The following LRP3 variants were observed in gnomAD, a reference collection of about 807,000 sequenced individuals.
LRP3 encodes the protein low-density lipoprotein receptor-related protein 3.
LRP3 carries 49 observed loss-of-function variants against 58.5 expected under a neutral mutation model. The observed-to-expected ratio is 0.84, with a 90% CI of 0.67 to 1.06. The LOEUF (loss-of-function observed/expected upper bound fraction) is 1.06, where lower values mean the gene tolerates loss of function less well. Among genes scored for constraint, LRP3 ranks in the 50% least tolerant of loss-of-function variants. The pLI, the probability that LRP3 is intolerant of heterozygous loss-of-function variation, is 0.00. For missense variants in LRP3, 1,019 were observed against 1,134.2 expected (o/e 0.90, Z 1.46); for synonymous variants, 485 against 492.2 (o/e 0.99, Z 0.20).
intron 1 of LRP3, among the ~76,000 whole-genome samples, chr19:33,195,472 C>G (rs1974276294): frequency 6.6e-6 from 1 of 152,200 alleles, no homozygotes; most frequent in African/African-American, 2.4e-5. Context: ...GTTTTTCTGT[C>G]CAGCTTTCCA....
At chr19:33,206,495 T>C in intron 5 of LRP3, 106 bp from the exon 6 acceptor site, 1 of 1,592,066 alleles carries the variant, frequency 6.3e-7, no homozygotes, top group South Asian at 1.1e-5. Flanking sequence ...CTGGGGTCCC[T>C]ATATCTTGGG....
Position 33,206,300 on chromosome 19 carries a change from G to A in LRP3, c.1530G>A (p.Leu510=). The A allele has an allele frequency of 1.3e-6, 2 of 1,598,494 alleles. No homozygotes were observed. The highest frequency in any genetic ancestry group is 2.7e-5 in the African/African-American group (2 of 74,864). The change falls in exon 5 of 7, where the codon CTG becomes CTA. Residue 510 remains leucine (L), a synonymous_variant. Coordinates refer to ENST00000253193, the MANE Select transcript of LRP3 (RefSeq NM_002333.4). ...AALIGSLVCG[L]LLVIALGCAF... ...TCATTGGCAGCCTGGTGTGTGGCCT[G>A]CTGCTGGTCATCGCGCTGGGCTGCG... is the stretch of plus-strand genomic sequence containing the variant.
Position 33,205,783 on chromosome 19 carries a change from C to T in LRP3, c.1013C>T (p.Ala338Val). The change falls in exon 5 of 7, where the codon GCC becomes GTC. Residue 338 changes from alanine (A) to valine (V), a missense_variant. Ala to Val is a moderately conservative substitution (Grantham distance 64, BLOSUM62 0). Coordinates refer to ENST00000253193, the MANE Select transcript of LRP3 (RefSeq NM_002333.4). Reference sequence around the variant, plus strand: ...AACCACCGGCCCGTGAGCCTGGAGGCCGCCCAGGGCCGCCTCACTGTGGCC... The same window carrying T: ...AACCACCGGCCCGTGAGCCTGGAGGTCGCCCAGGGCCGCCTCACTGTGGCC... ...RSNHRPVSLE[A>V]AQGRLTVAYH... 6.3e-7 allele frequency: 1 copy of T among 1,583,784 alleles called. No individual in the cohort carries two copies.
At chr19:33,196,606 T>C in intron 1 of LRP3, 124 bp from the exon 2 acceptor site, 2 of 853,292 alleles carry the variant, frequency 2.3e-6, no homozygotes, top group South Asian at 2.8e-5. Flanking sequence ...CTCTGGGCCT[T>C]GCCCTGTAAG....
Position 33,206,281 on chromosome 19 carries a change from G to T in LRP3, c.1511G>T (p.Gly504Val). Reference protein sequence around the residue: ...PRKVITAALIGSLVCGLLLVI... With the variant: ...PRKVITAALIVSLVCGLLLVI... Reference sequence around the variant, plus strand: ...AAGGTCATCACGGCGGCGCTCATTGGCAGCCTGGTGTGTGGCCTGCTGCTG... The same window carrying T: ...AAGGTCATCACGGCGGCGCTCATTGTCAGCCTGGTGTGTGGCCTGCTGCTG... The change falls in exon 5 of 7, where the codon GGC becomes GTC. Residue 504 changes from glycine to valine, a missense_variant. Coordinates refer to ENST00000253193, the MANE Select transcript of LRP3 (RefSeq NM_002333.4). 6.3e-7 allele frequency: 1 copy of T among 1,598,046 alleles called. No homozygotes were observed.
Position 33,207,458 on chromosome 19 carries a change from T to G in LRP3, c.2196T>G (p.Thr732=), listed in dbSNP as rs765674222. Reference sequence around the variant, plus strand: ...AGGACCCGCACCCCCAGGTCTCCACTGCCAGCAGCACCCTGGGCCCCCACT... The same window carrying G: ...AGGACCCGCACCCCCAGGTCTCCACGGCCAGCAGCACCCTGGGCCCCCACT... ...SAQDPHPQVS[T]ASSTLGPHSP... is the part of the protein sequence containing the mutation. Residue 732 remains threonine, a synonymous_variant, in exon 7 of 7, where the codon ACT becomes ACG. Coordinates refer to ENST00000253193, the MANE Select transcript of LRP3 (RefSeq NM_002333.4). 6 of 1,599,422 alleles carry G rather than the reference T, an allele frequency of 3.8e-6. No homozygotes were observed. Among genetic ancestry groups the G allele is most frequent in the Non-Finnish European group, 5.1e-6 (6 of 1,176,890 alleles).
At position 33,206,868 on chromosome 19, in the gene LRP3, G is replaced by T. The variant is rs553796540; in HGVS notation, c.1726-120G>T. On this transcript the variant is annotated intron_variant, in intron 6 of 6. Coordinates refer to ENST00000253193, the MANE Select transcript of LRP3 (RefSeq NM_002333.4). ...TGAGGGCCCATGGCCAGGTGGGGGG[G>T]GTGGACAAGGTGGTCTCTCGGGTCT... The T allele has an allele frequency of 1.7e-5, 20 of 1,195,602 alleles. No individual in the cohort carries two copies. The East Asian group carries it at 3.7e-4, about 22-fold the overall frequency. 74.1% of individuals were successfully genotyped at this position (1,195,602 alleles called of 1,614,324 possible). A position where few individuals can be genotyped will look rare whatever the true frequency, so the allele number is the denominator to read the frequency against.
chr19:33,194,914 C>T, intron 1 of LRP3, 56 bp downstream of exon 1: 1 of 954,060 alleles, frequency 1.0e-6, no homozygotes, highest in Admixed American at 5.0e-5. Context: ...CAGTCCGCGC[C>T]GCGCCCTGAC....
At chr19:33,202,067 C>T (rs1018592238) in intron 2 of LRP3, among the ~76,000 whole-genome samples, 4 of 152,214 alleles carry the variant, frequency 2.6e-5, no homozygotes, top group Non-Finnish European at 4.4e-5. Flanking sequence ...CTCTGCCCCT[C>T]CCTAACTGTG....
Position 33,206,580 on chromosome 19 carries a change from C to T in LRP3, c.1593-21C>T, listed in dbSNP as rs188477875. The T allele has an allele frequency of 7.7e-4, 1,232 of 1,603,524 alleles. 12 individuals carry two copies. The African/African-American group carries it at 0.015, about 20-fold the overall frequency. On this transcript the variant is annotated intron_variant, in intron 5 of 6. Transcript: ENST00000253193. ...GGTCCCGGGCAGCCCAGTCATGTCGCCCTCCGCCCACTGCTTCTAGGGCCT... is the reference window on the plus strand; with the variant it reads ...GGTCCCGGGCAGCCCAGTCATGTCGTCCTCCGCCCACTGCTTCTAGGGCCT...
chr19:33,196,700 C>T, intron 1 of LRP3, 30 bp from the exon 2 acceptor site: 2 of 1,612,264 alleles, frequency 1.2e-6, no homozygotes, highest in East Asian at 2.2e-5. Flanking sequence ...GTATGTGGGA[C>T]CCCTGACCCT....
chr19:33,202,729 C>T (rs770423828), intron 2 of LRP3, 119 bp from the exon 3 acceptor site: 163 of 1,235,596 alleles, frequency 1.3e-4, no homozygotes, highest in Non-Finnish European at 1.8e-4. Flanking sequence ...GCCATGGCCA[C>T]CCTTGGCTGG....
Position 33,205,975 on chromosome 19 carries a change from G to A in LRP3, c.1205G>A (p.Trp402Ter). ...GAGCCACAGCGCTGTGATGGCTGGT[G>A]GCATTGTGCCAGCGGCCGAGACGAG... ...FSEPQRCDGW[W>*]HCASGRDEQG... Residue 402 changes from tryptophan to a stop codon, truncating the protein, a stop_gained, in exon 5 of 7, where the codon TGG becomes TAG. Transcript: ENST00000253193. LOFTEE classifies it high-confidence loss of function. 6.3e-7 allele frequency: 1 copy of A among 1,581,128 alleles called. No individual in the cohort carries two copies. The highest frequency in any genetic ancestry group is 8.6e-7 in the Non-Finnish European group (1 of 1,163,506).
In LRP3 at chr19:33,202,875, A is replaced by T; in HGVS notation, c.149A>T (p.His50Leu). ...LAACSGKLEQ[H>L]TERRGVIYSP... is the part of the protein sequence containing the mutation. ...GCCTGCAGTGGGAAGCTGGAGCAGC[A>T]CACGGAGCGGCGTGGGGTCATCTAC... The change falls in exon 3 of 7, where the codon CAC becomes CTC. Residue 50 changes from histidine to leucine, a missense_variant. Physicochemically the swap from His to Leu is moderately conservative, Grantham distance 99 (BLOSUM62 -3). Coordinates refer to ENST00000253193, the MANE Select transcript of LRP3 (RefSeq NM_002333.4). 1.9e-6 allele frequency: 3 copies of T among 1,611,060 alleles called. No homozygotes were observed. The highest frequency in any genetic ancestry group is 2.5e-6 in the Non-Finnish European group (3 of 1,178,824).
Position 33,207,815 on chromosome 19 carries a change from G to A in LRP3, c.*240G>A. 1.8e-6 allele frequency: 1 copy of A among 548,794 alleles called. No homozygotes were observed. 34.0% of individuals were successfully genotyped at this position (548,794 alleles called of 1,614,324 possible). ...GGTCCCATTGTACACAAGCACCCTG[G>A]GGTCTCACTTCTCTCCCCCCACTCC... On this transcript the variant is annotated 3_prime_UTR_variant, in exon 7 of 7. Coordinates refer to ENST00000253193, the MANE Select transcript of LRP3 (RefSeq NM_002333.4).
intron 2 of LRP3, among the ~76,000 whole-genome samples, chr19:33,200,339 C>T (rs903669881): frequency 9.2e-5 from 14 of 152,164 alleles, no homozygotes; most frequent in Non-Finnish European, 1.6e-4. Flanking sequence ...TCAAGCGATT[C>T]TCCTGCCTCG....
At position 33,206,704 on chromosome 19, in the gene LRP3, G is replaced by A; in HGVS notation, c.1696G>A (p.Glu566Lys). ...CGCCCAGGGCCTCATTCCACCCGTGGAGGACTTTCCTGTCTACAGTGCGTC... is the reference window on the plus strand; with the variant it reads ...CGCCCAGGGCCTCATTCCACCCGTGAAGGACTTTCCTGTCTACAGTGCGTC... ...LIAQGLIPPV[E>K]DFPVYSASQA... Residue 566 changes from glutamate (E) to lysine (K), a missense_variant, in exon 6 of 7, where the codon GAG becomes AAG. By Grantham distance (56) the Glu-to-Lys change is moderately conservative. Transcript: ENST00000253193. 6.5e-7 allele frequency: 1 copy of A among 1,540,780 alleles called. No individual in the cohort carries two copies. Among genetic ancestry groups the A allele is most frequent in the Non-Finnish European group, 8.7e-7 (1 of 1,144,436 alleles).
chr19:33,206,757 C>A (rs1161889897), intron 6 of LRP3, 24 bp downstream of exon 6: 5 of 1,505,650 alleles, frequency 3.3e-6, no homozygotes, highest in Middle Eastern at 1.8e-4. Flanking sequence ...GGGCGTGAGG[C>A]CCCTCCGGGG....
chr19:33,206,786 G>A (rs1411753084), intron 6 of LRP3, 53 bp downstream of exon 6: 35 of 1,482,634 alleles, frequency 2.4e-5, no homozygotes, highest in Non-Finnish European at 3.0e-5. Flanking sequence ...GACAGTGTGC[G>A]GAGGAGGCTG....
Sources: allele counts gnomAD v4.1 joint callset (sites outside exome capture counted in the v4.1 genomes callset), GRCh38; gene constraint gnomAD v4.1.1; transcripts MANE v1.5; gene names NCBI Gene and HGNC (gene_info 2026-07-23, HGNC 2026-07-21).